ARHGAP35: variants seen among roughly 807,000 people sequenced by gnomAD.
ARHGAP35 encodes Rho GTPase activating protein 35, also known as rho GTPase-activating protein 35.
Under a neutral mutation model 111.1 loss-of-function variants are expected in ARHGAP35, and 15 were observed. The observed-to-expected ratio is 0.13, with a 90% CI of 0.09 to 0.21. The LOEUF (loss-of-function observed/expected upper bound fraction) is 0.21, where lower values mean the gene tolerates loss of function less well. Among genes scored for constraint, ARHGAP35 ranks in the 10% least tolerant of loss-of-function variants. The probability of loss-of-function intolerance (pLI) is 1.00; values close to 1 mark genes in which losing one functional copy is unlikely to be tolerated. For synonymous variants in ARHGAP35, 643 were observed against 710.3 expected (o/e 0.91, Z 1.51); for missense variants, 1,262 against 1,873.0 (o/e 0.67, Z 6.02).
At chr19:46,997,019 T>C (rs2056713711) in intron 5 of ARHGAP35, among the ~76,000 whole-genome samples, 1 of 151,998 alleles carries the variant, frequency 6.6e-6, no homozygotes, top group African/African-American at 2.4e-5. Context: ...TTAGCAGGCG[T>C]GGTGGTGGGC....
At chr19:46,990,607 C>T (rs916566325) in intron 5 of ARHGAP35, among the ~76,000 whole-genome samples, 8 of 152,178 alleles carry the variant, frequency 5.3e-5, no homozygotes, top group African/African-American at 1.9e-4. Context: ...GGAAAGGAGA[C>T]GTGTTCCTCA....
chr19:46,920,530 C>T lies in ARHGAP35; in HGVS notation c.1855C>T (p.Leu619Phe), dbSNP rs2056192328. The change falls in exon 2 of 7, where the codon CTT becomes TTT. Residue 619 changes from leucine to phenylalanine, a missense_variant. Physicochemically the swap from Leu to Phe is conservative, Grantham distance 22. Transcript: ENST00000672722. This position sits in a 1 kb window ranked among gnomAD's most constrained non-coding sequence, Gnocchi z 7.0. ...AGAGTTGGCCAATGAGATTCGAGCT[C>T]TTTGTACAAATGATGACAAGTATGT... ...ARELANEIRA[L>F]CTNDDKYVID... 6.2e-7 allele frequency: 1 copy of T among 1,613,840 alleles called. No individual in the cohort carries two copies. Among genetic ancestry groups the T allele is most frequent in the Non-Finnish European group, 8.5e-7 (1 of 1,179,864 alleles).
rs747542738 is a variant in ARHGAP35, at chr19:46,920,115, C to G, written c.1440C>G (p.His480Gln). 1.2e-5 allele frequency: 19 copies of G among 1,613,854 alleles called. No individual in the cohort carries two copies. Among genetic ancestry groups the G allele is most frequent in the Non-Finnish European group, 1.2e-5 (14 of 1,179,874 alleles). Residue 480 changes from histidine to glutamine, a missense_variant, in exon 2 of 7, where the codon CAC (histidine) becomes CAG (glutamine). Physicochemically the swap from His to Gln is conservative, Grantham distance 24 (BLOSUM62 0). Around this residue, in one of 8 missense-constraint regions of ARHGAP35, gnomAD observed 328 missense variants for 440.8 expected, o/e 0.74. Coordinates refer to ENST00000672722, the MANE Select transcript of ARHGAP35 (RefSeq NM_004491.5). The surrounding 1 kb of genome is among the most constrained non-coding windows in gnomAD (Gnocchi z 7.0). ...TATACATGGATATTTATGGCAAACA[C>G]CAAAAGCAAATTATAGATAAAGCAA... ...ESVYMDIYGK[H>Q]QKQIIDKAKE... is the part of the protein sequence containing the mutation.
chr19:46,974,248 C>G (rs2056567892), intron 3 of ARHGAP35, among the ~76,000 whole-genome samples: 1 of 152,170 alleles, frequency 6.6e-6, no homozygotes, highest in Non-Finnish European at 1.5e-5. Context: ...CACTAACTCC[C>G]AAAGTTAGCA....
At chr19:46,867,231 C>T (rs192276226) in intron 1 of ARHGAP35, among the ~76,000 whole-genome samples, 1 of 152,334 alleles carries the variant, frequency 6.6e-6, no homozygotes, top group East Asian at 1.9e-4. Flanking sequence ...CTATCTCTCT[C>T]ATCTTCCTTT....
At position 47,000,262 on chromosome 19, in the gene ARHGAP35, G is replaced by A. The variant is rs1164333445; in HGVS notation, c.4143-69G>A. ...AGGTGGGCTCAGCCTGGGTGCTGAAGACCATGAGCGCCCAGGGCCAGGTGG... is the reference window on the plus strand; with the variant it reads ...AGGTGGGCTCAGCCTGGGTGCTGAAAACCATGAGCGCCCAGGGCCAGGTGG... On this transcript the variant is annotated intron_variant, in intron 6 of 6. Coordinates refer to ENST00000672722, the MANE Select transcript of ARHGAP35 (RefSeq NM_004491.5). The surrounding 1 kb of genome is among the most constrained non-coding windows in gnomAD (Gnocchi z 6.9). 48 of 1,521,242 alleles carry A rather than the reference G, an allele frequency of 3.2e-5. No homozygotes were observed. In the East Asian group the frequency reaches 1.0e-3, roughly 33 times the overall value. The allele number at this position is 1,521,242 out of a possible 1,614,324, so 94.2% of individuals were successfully genotyped here. A position where few individuals can be genotyped will look rare whatever the true frequency, so the allele number is the denominator to read the frequency against.
intron 3 of ARHGAP35, among the ~76,000 whole-genome samples, chr19:46,979,379 A>T (rs2056608012): frequency 6.6e-6 from 1 of 152,116 alleles, no homozygotes; most frequent in African/African-American, 2.4e-5. Context: ...CAGTCGGCTC[A>T]CCTCGATTAT....
At chr19:46,868,884 C>T (rs368375359) in intron 1 of ARHGAP35, among the ~76,000 whole-genome samples, 93 of 144,302 alleles carry the variant, frequency 6.4e-4, no homozygotes, top group African/African-American at 2.3e-3. Flanking sequence ...TTAGGTGGAG[C>T]TCACCGTGAT....
In ARHGAP35 at chr19:46,920,292, G is replaced by A. The variant is rs372601264; in HGVS notation, c.1617G>A (p.Glu539=). The change falls in exon 2 of 7, where the codon GAG becomes GAA. Residue 539 remains glutamate, a synonymous_variant. Transcript: ENST00000672722. The surrounding 1 kb of genome is among the most constrained non-coding windows in gnomAD (Gnocchi z 7.0). ...AAGCATTACAAAAGCTCCAAGCAGA[G>A]CGTGATGCCCTTATTCTGAAACACA... The part of the protein sequence containing the change: ...RFKALQKLQA[E]RDALILKHIH... 24 of 1,613,886 alleles carry A rather than the reference G, an allele frequency of 1.5e-5. No homozygotes were observed. The highest frequency in any genetic ancestry group is 1.3e-4 in the African/African-American group (10 of 74,924).
chr19:46,863,462 TG>T (rs2055839836), intron 1 of ARHGAP35, among the ~76,000 whole-genome samples: 1 of 152,212 alleles, frequency 6.6e-6, no homozygotes, highest in African/African-American at 2.4e-5. Context: ...TTTCCTCTGC[TG>T]TTTGCTCTCT....
At chr19:46,937,933 T>A (rs1353515134) in intron 3 of ARHGAP35, among the ~76,000 whole-genome samples, 2 of 152,254 alleles carry the variant, frequency 1.3e-5, no homozygotes, top group Admixed American at 1.3e-4. Flanking sequence ...CTTCTGGTTA[T>A]GCCGCTCCTC....
At position 46,919,421 on chromosome 19, in the gene ARHGAP35, A is replaced by G. The variant is rs1158604636; in HGVS notation, c.746A>G (p.Lys249Arg). 1.1e-5 allele frequency: 17 copies of G among 1,613,906 alleles called. No individual in the cohort carries two copies. The highest frequency in any genetic ancestry group is 1.4e-5 in the Non-Finnish European group (16 of 1,179,892). The change falls in exon 2 of 7, where the codon AAA (lysine) becomes AGA (arginine). Residue 249 changes from lysine to arginine, a missense_variant. Coordinates refer to ENST00000672722, the MANE Select transcript of ARHGAP35 (RefSeq NM_004491.5). This position sits in a 1 kb window ranked among gnomAD's most constrained non-coding sequence, Gnocchi z 6.2. ...AFSTLVQLID[K>R]SRGKTKIIPY... ...AGCACCTTAGTGCAACTCATTGATA[A>G]AAGTCGGGGAAAGACAAAAATCATT...
At position 46,988,450 on chromosome 19, in the gene ARHGAP35, C is replaced by T. The variant is rs185715673; in HGVS notation, c.3904+384C>T. The T allele has an allele frequency of 9.0e-6, 2 of 223,136 alleles. No homozygotes were observed. Among genetic ancestry groups the T allele is most frequent in the East Asian group, 2.7e-4 (2 of 7,316 alleles). The allele number at this position is 223,136 out of a possible 1,614,324, so 13.8% of individuals were successfully genotyped here. A position where few individuals can be genotyped will look rare whatever the true frequency, so the allele number is the denominator to read the frequency against. On this transcript the variant is annotated intron_variant, in intron 4 of 6. Coordinates refer to ENST00000672722, the MANE Select transcript of ARHGAP35 (RefSeq NM_004491.5). This position sits in a 1 kb window ranked among gnomAD's most constrained non-coding sequence, Gnocchi z 5.4. ...GAGATGTGATCCTGTTTTGCCAGGGCCTCAGATCTACCCTCCTCACAAAGT... is the reference window on the plus strand; with the variant it reads ...GAGATGTGATCCTGTTTTGCCAGGGTCTCAGATCTACCCTCCTCACAAAGT...
At chr19:46,900,000 A>G (rs765461148) in intron 1 of ARHGAP35, among the ~76,000 whole-genome samples, 33 of 152,212 alleles carry the variant, frequency 2.2e-4, no homozygotes, top group East Asian at 1.2e-3. Flanking sequence ...GGAATAAATA[A>G]TGAATTCTGA....
Position 46,988,140 on chromosome 19 carries a change from T to C in ARHGAP35, c.3904+74T>C. On this transcript the variant is annotated intron_variant, in intron 4 of 6. Coordinates refer to ENST00000672722, the MANE Select transcript of ARHGAP35 (RefSeq NM_004491.5). This position sits in a 1 kb window ranked among gnomAD's most constrained non-coding sequence, Gnocchi z 5.4. ...GACACAGCTGCCTCGGTGAACTGTCTGTGGGGCTTCGGAGCACTCCTGCCA... is the reference window on the plus strand; with the variant it reads ...GACACAGCTGCCTCGGTGAACTGTCCGTGGGGCTTCGGAGCACTCCTGCCA... 1 of 1,447,340 alleles carries C rather than the reference T, an allele frequency of 6.9e-7. No individual in the cohort carries two copies. Among genetic ancestry groups the C allele is most frequent in the Non-Finnish European group, 9.6e-7 (1 of 1,046,716 alleles). 89.7% of individuals were successfully genotyped at this position (1,447,340 alleles called of 1,614,324 possible).
At chr19:46,886,390 G>GTT (rs533815800) in intron 1 of ARHGAP35, among the ~76,000 whole-genome samples, 1 of 149,154 alleles carries the variant, frequency 6.7e-6, no homozygotes, top group Admixed American at 6.7e-5. Context: ...CGTAAGGGAG[G>GTT]TTTTTTTTTT....
intron 3 of ARHGAP35, among the ~76,000 whole-genome samples, chr19:46,975,036 A>G (rs377183485): frequency 6.6e-6 from 1 of 152,100 alleles, no homozygotes; most frequent in African/African-American, 2.4e-5. Flanking sequence ...ACACCCGGGT[A>G]ATTTTTTGTA....
chr19:46,904,261 A>G (rs1451515496), intron 1 of ARHGAP35, among the ~76,000 whole-genome samples: 1 of 152,242 alleles, frequency 6.6e-6, no homozygotes, highest in Non-Finnish European at 1.5e-5. Flanking sequence ...GGCTGCCAGC[A>G]TTCCCAGCTT....
intron 3 of ARHGAP35, among the ~76,000 whole-genome samples, chr19:46,958,147 G>C (rs1599846450): frequency 6.6e-6 from 1 of 152,180 alleles, no homozygotes; most frequent in East Asian, 1.9e-4. Flanking sequence ...ACTTTGGGAG[G>C]CCGAGGCGGG....
Sources: gnomAD v4.1 joint callset for allele counts (sites outside exome capture counted in the v4.1 genomes callset) on GRCh38, gnomAD v4.1.1 for gene constraint, gnomAD v4.1.1 regional missense constraint, Gnocchi (gnomAD v3.1) non-coding constraint, MANE v1.5 for transcripts, NCBI Gene and HGNC (gene_info 2026-07-23, HGNC 2026-07-21) for gene names.